GPC5: variants seen among roughly 807,000 people sequenced by gnomAD.
The protein encoded by GPC5 is glypican-5.
A neutral mutation model predicts 53.9 loss-of-function variants in GPC5; 47 were observed. That is an observed-to-expected ratio of 0.87 (90% CI 0.69 to 1.11). The LOEUF (loss-of-function observed/expected upper bound fraction) is 1.11. Among genes scored for constraint, GPC5 ranks in the 50% most tolerant of loss-of-function variants. GPC5 has a pLI of 0.00. For missense variants in GPC5, 748 were observed against 713.1 expected (o/e 1.05, Z -0.56); for synonymous variants, 286 against 263.3 (o/e 1.09, Z -0.84).
At chr13:91,566,425 G>A (rs933455284) in intron 2 of GPC5, among the ~76,000 whole-genome samples, 32 of 152,146 alleles carry the variant, frequency 2.1e-4, no homozygotes, top group South Asian at 2.1e-4. Flanking sequence ...TTAGCCGGGC[G>A]TGGTGGTGCA....
At chr13:92,503,578 G>A (rs1443373375) in intron 7 of GPC5, among the ~76,000 whole-genome samples, 1 of 151,082 alleles carries the variant, frequency 6.6e-6, no homozygotes, top group Non-Finnish European at 1.5e-5. Flanking sequence ...AAAAACCCAG[G>A]AAAACAACAA....
rs146403978 is a variant in GPC5, at chr13:91,595,238, C to T, written c.326-97949C>T. 2.9e-3 allele frequency among the ~76,000 whole-genome samples: 438 copies of T among 151,942 alleles called. 3 individuals are homozygous for T. The highest frequency in any genetic ancestry group is 1.0e-2 in the African/African-American group (413 of 41,464). On this transcript the variant is annotated intron_variant, in intron 2 of 7. Transcript: ENST00000377067. ...TTCACCATGTTGGCCAGGATGGCCT[C>T]GTTCTCTTGGTGTGATCCACCTGCC...
intron 7 of GPC5, among the ~76,000 whole-genome samples, chr13:92,836,555 A>G (rs1878226051): frequency 6.6e-6 from 1 of 152,154 alleles, no homozygotes; most frequent in Non-Finnish European, 1.5e-5. Flanking sequence ...GTTATACAGT[A>G]TGCTCAGATA....
rs910463281 is a variant in GPC5 at position 91,418,386 on chromosome 13, A to C, written c.163+19177A>C. ...GTAAGAGTTCTCCACTTATCTGGGTATATGCATTTACCAAGGAGTGCTAGG... is the reference window on the plus strand; with the variant it reads ...GTAAGAGTTCTCCACTTATCTGGGTCTATGCATTTACCAAGGAGTGCTAGG... On this transcript the variant is annotated intron_variant, in intron 1 of 7. Transcript: ENST00000377067. 5.3e-5 allele frequency among the ~76,000 whole-genome samples: 8 copies of C among 152,206 alleles called. No individual in the cohort carries two copies. The East Asian group carries it at 1.5e-3, about 29-fold the overall frequency.
intron 7 of GPC5, among the ~76,000 whole-genome samples, chr13:92,200,246 T>A (rs571179209): frequency 4.6e-5 from 7 of 152,282 alleles, no homozygotes; most frequent in South Asian, 4.1e-4. Context: ...AGGAAAAAAA[T>A]CAATCTCAAT....
chr13:92,066,273 T>C (rs2138859339), intron 6 of GPC5, among the ~76,000 whole-genome samples: 1 of 152,106 alleles, frequency 6.6e-6, no homozygotes, highest in South Asian at 2.1e-4. Flanking sequence ...TAAAGTGATT[T>C]ATACAGAGAA....
intron 7 of GPC5, among the ~76,000 whole-genome samples, chr13:92,470,501 C>T (rs1878866862): frequency 6.6e-6 from 1 of 151,824 alleles, no homozygotes; most frequent in Non-Finnish European, 1.5e-5. Flanking sequence ...GTTTAGATAG[C>T]CCTAAAACAT....
chr13:91,837,986 G>A (rs559913303), intron 5 of GPC5, among the ~76,000 whole-genome samples: 15 of 152,210 alleles, frequency 9.9e-5, no homozygotes, highest in African/African-American at 3.4e-4. Context: ...AGCAGATGTC[G>A]TAGATGAAAA....
intron 6 of GPC5, among the ~76,000 whole-genome samples, chr13:92,057,266 A>G (rs990437655): frequency 6.6e-6 from 1 of 151,898 alleles, no homozygotes; most frequent in Non-Finnish European, 1.5e-5. Flanking sequence ...GAGAGGCCAT[A>G]TGAAGTGACA....
intron 7 of GPC5, among the ~76,000 whole-genome samples, chr13:92,713,334 T>A (rs911475268): frequency 2.0e-5 from 3 of 151,700 alleles, no homozygotes; most frequent in Non-Finnish European, 4.4e-5. Flanking sequence ...GGCTCACGCT[T>A]GTAATCCCAG....
At chr13:92,804,357 G>T (rs181608721) in intron 7 of GPC5, among the ~76,000 whole-genome samples, 240 of 152,056 alleles carry the variant, frequency 1.6e-3, no homozygotes, top group Non-Finnish European at 2.4e-3. Flanking sequence ...CTCAAATATT[G>T]CAGGTTTGGT....
intron 7 of GPC5, among the ~76,000 whole-genome samples, chr13:92,716,626 A>AT (rs1888335691): frequency 6.6e-6 from 1 of 152,124 alleles, no homozygotes; most frequent in Non-Finnish European, 1.5e-5. Flanking sequence ...TCTACAAAAC[A>AT]TTTTTTATAA....
At chr13:91,695,437 G>A (rs552468699) in intron 3 of GPC5, among the ~76,000 whole-genome samples, 1 of 152,216 alleles carries the variant, frequency 6.6e-6, no homozygotes. Flanking sequence ...GCAGTGGCAT[G>A]ATCTCAGCTC....
chr13:92,068,868 C>G (rs947855332), intron 6 of GPC5, among the ~76,000 whole-genome samples: 11 of 151,694 alleles, frequency 7.3e-5, no homozygotes, highest in Non-Finnish European at 1.5e-5. Context: ...CAACTCAGTG[C>G]ACAATATAAT....
In GPC5 at chr13:92,205,423, C is replaced by A. The variant is rs1266350411; in HGVS notation, c.1561+60434C>A. Among the ~76,000 whole-genome samples the A allele has an allele frequency of 3.3e-5, 5 of 152,234 alleles. No individual in the cohort carries two copies. The East Asian group carries it at 9.7e-4, about 30-fold the overall frequency. ...GGGCTGAGGGGCTCACCAGGAGTCA[C>A]CTCATTAGCATAAATTATCAGGTGT... On this transcript the variant is annotated intron_variant, in intron 7 of 7. Transcript: ENST00000377067.
intron 1 of GPC5, among the ~76,000 whole-genome samples, chr13:91,413,661 C>T (rs1877975846): frequency 6.6e-6 from 1 of 152,220 alleles, no homozygotes; most frequent in Non-Finnish European, 1.5e-5. Context: ...TAACACTTTC[C>T]AGGCTCCTGG....
In GPC5 at chr13:92,804,929, TC is replaced by T. The variant is rs534026980; in HGVS notation, c.1562-61352del. ...TATTTCCAAAACCCACTTTATTTTC[TC>T]ATCCATATGAAGCAGCTCCTCATCC... On this transcript the variant is annotated intron_variant, in intron 7 of 7. Coordinates refer to ENST00000377067, the MANE Select transcript of GPC5 (RefSeq NM_004466.6). Among the ~76,000 whole-genome samples, 222 of 152,188 alleles carry T rather than the reference TC, an allele frequency of 1.5e-3. 1 individual carries two copies. The highest frequency in any genetic ancestry group is 5.2e-3 in the African/African-American group (215 of 41,564).
At chr13:91,920,558 A>C (rs1208067561) in intron 6 of GPC5, among the ~76,000 whole-genome samples, 1 of 152,224 alleles carries the variant, frequency 6.6e-6, no homozygotes, top group Admixed American at 6.5e-5. Flanking sequence ...CAATGAATGA[A>C]AACACACGTG....
At chr13:92,251,014 T>C (rs2042688803) in intron 7 of GPC5, among the ~76,000 whole-genome samples, 1 of 152,142 alleles carries the variant, frequency 6.6e-6, no homozygotes, top group Non-Finnish European at 1.5e-5. Context: ...AAACCTATGT[T>C]AAGGATTCTA....
Sources: allele counts gnomAD v4.1 joint callset (sites outside exome capture counted in the v4.1 genomes callset), GRCh38; gene constraint gnomAD v4.1.1; transcripts MANE v1.5; gene names NCBI Gene and HGNC (gene_info 2026-07-23, HGNC 2026-07-21).